The following ARMC2 variants were observed in gnomAD, a reference collection of about 807,000 sequenced individuals.
ARMC2 encodes the protein armadillo repeat containing 2.
ARMC2 carries 67 observed loss-of-function variants against 90.3 expected under a neutral mutation model. The observed-to-expected ratio is 0.74, with a 90% confidence interval of 0.61 to 0.91. The LOEUF (loss-of-function observed/expected upper bound fraction) is 0.91. Among genes scored for constraint, ARMC2 ranks in the 40% least tolerant of loss-of-function variants. The pLI is 0.00. For missense variants in ARMC2, 920 were observed against 1,030.9 expected, an observed-to-expected ratio of 0.89 and a Z score of 1.47; for synonymous variants, 393 against 393.0, an observed-to-expected ratio of 1.00 and a Z score of 0.00.
chr6:108,971,633 G>C lies in ARMC2; in HGVS notation c.2447-1724G>C, dbSNP rs555686668. On this transcript the variant is annotated intron_variant, in intron 17 of 17. Coordinates refer to ENST00000392644, the MANE Select transcript of ARMC2 (RefSeq NM_032131.6). ...ATTTTCATTGGCCCTTAAAAAAAAA[G>C]TATCGGCAGCTGGGTGCAGTGGCTC... 7.2e-4 allele frequency among the ~76,000 whole-genome samples: 109 copies of C among 152,104 alleles called. 2 individuals carry two copies. The South Asian group carries it at 0.022, about 30-fold the overall frequency.
intron 11 of ARMC2, among the ~76,000 whole-genome samples, chr6:108,931,338 G>T (rs1232773745): frequency 1.3e-5 from 2 of 151,890 alleles, no homozygotes; most frequent in African/African-American, 4.9e-5. Context: ...GGGCACTTAG[G>T]TTGATTCCAT....
intron 4 of ARMC2, 101 bp downstream of exon 4, chr6:108,869,096 T>C: frequency 7.8e-7 from 1 of 1,277,094 alleles, no homozygotes; most frequent in Non-Finnish European, 1.1e-6. Flanking sequence ...CCTGGATGAT[T>C]TTTATATTAA....
At chr6:109,033,815 A>T in the ARMC2 span, among the ~76,000 whole-genome samples, 10 of 152,218 alleles carry the variant, frequency 6.6e-5, no homozygotes, top group African/African-American at 2.4e-4. Context: ...AATTAAGAAC[A>T]AGCTTTTAGT....
At chr6:109,000,458 A>G in the ARMC2 span, 1 of 1,410,554 alleles carries the variant, frequency 7.1e-7, no homozygotes, top group Non-Finnish European at 9.3e-7. Context: ...AAAGTCTGAA[A>G]TGACTCCCAA....
chr6:108,969,306 A>G (rs1488587892), intron 17 of ARMC2, among the ~76,000 whole-genome samples: 1 of 152,252 alleles, frequency 6.6e-6, no homozygotes, highest in Non-Finnish European at 1.5e-5. Context: ...GCTGCTGAAC[A>G]GCTAGCTAGG....
At position 108,882,264 on chromosome 6, in the gene ARMC2, G is replaced by A. The variant is rs556202526; in HGVS notation, c.671+5914G>A. On this transcript the variant is annotated intron_variant, in intron 5 of 17. Coordinates refer to ENST00000392644, the MANE Select transcript of ARMC2 (RefSeq NM_032131.6). ...ATCCTGGCTAACATGGTGAAACCCT[G>A]TCTCTACTAAAAATACAAAAAAAAA... 2.6e-5 allele frequency among the ~76,000 whole-genome samples: 4 copies of A among 151,974 alleles called. No homozygotes were observed. The South Asian group carries it at 8.3e-4, about 32-fold the overall frequency.
At chr6:109,009,933 G>A in the ARMC2 span, among the ~76,000 whole-genome samples, 3 of 152,174 alleles carry the variant, frequency 2.0e-5, no homozygotes, top group Non-Finnish European at 4.4e-5. Flanking sequence ...GACAGCACCA[G>A]GAGTAATGAA....
chr6:109,048,179 C>T, the ARMC2 span, among the ~76,000 whole-genome samples: 2 of 152,072 alleles, frequency 1.3e-5, no homozygotes, highest in Non-Finnish European at 2.9e-5. Flanking sequence ...ATGACCTTCA[C>T]AAATGCCCTC....
At chr6:109,011,083 G>A in the ARMC2 span, among the ~76,000 whole-genome samples, 1 of 152,214 alleles carries the variant, frequency 6.6e-6, no homozygotes, top group Non-Finnish European at 1.5e-5. Context: ...AGTTTTAGTT[G>A]TCTAGTAGGG....
intron 12 of ARMC2, among the ~76,000 whole-genome samples, chr6:108,949,613 C>T (rs771501526): frequency 2.0e-5 from 3 of 152,202 alleles, no homozygotes; most frequent in Admixed American, 1.3e-4. Context: ...TACCCTCTGT[C>T]CTGGTTGGAA....
At chr6:108,893,258 A>G (rs1771272603) in intron 5 of ARMC2, among the ~76,000 whole-genome samples, 1 of 152,216 alleles carries the variant, frequency 6.6e-6, no homozygotes, top group South Asian at 2.1e-4. Context: ...ATTTATTTTC[A>G]GTTTTTTAAT....
At chr6:108,907,744 G>C in intron 8 of ARMC2, 1 of 1,610,590 alleles carries the variant, frequency 6.2e-7, no homozygotes, top group Non-Finnish European at 8.5e-7. Context: ...TGTAGTACCA[G>C]TAGTAACCTC....
the ARMC2 span, among the ~76,000 whole-genome samples, chr6:109,012,608 C>A: frequency 6.6e-6 from 1 of 152,246 alleles, no homozygotes; most frequent in East Asian, 1.9e-4. Flanking sequence ...GAAAAAGACA[C>A]CTGAGCTACA....
Position 108,973,483 on chromosome 6 carries a change from TCCTGGAA to T in ARMC2, c.2576_2582del (p.Leu859ProfsTer25), listed in dbSNP as rs768725124. The T allele has an allele frequency of 1.5e-5, 24 of 1,613,474 alleles. No individual in the cohort carries two copies. ...AACCGAATTCAGAGACATCACACCTTCCTGGAACCCCTGCCCATTCCCTCTTTCTAAC... is the reference window on the plus strand; with the variant it reads ...AACCGAATTCAGAGACATCACACCTTCCCCTGCCCATTCCCTCTTTCTAAC... On this transcript the variant is annotated frameshift_variant, in exon 18 of 18. Transcript: ENST00000392644. LOFTEE classifies it high-confidence loss of function.
chr6:109,041,593 C>CAG, the ARMC2 span, among the ~76,000 whole-genome samples: 1 of 151,580 alleles, frequency 6.6e-6, no homozygotes, highest in African/African-American at 2.4e-5. Flanking sequence ...AGAAAATTAC[C>CAG]AGAGACAAGG....
At chr6:108,970,494 C>CTTTTTTTTTTTTTTTTTT (rs1156823883) in intron 17 of ARMC2, among the ~76,000 whole-genome samples, 3 of 117,342 alleles carry the variant, frequency 2.6e-5, no homozygotes, top group Admixed American at 9.8e-5. Flanking sequence ...CTTCTCTTTT[C>CTTTTTTTTTTTTTTTTTT]TTTTTTTTTT....
chr6:109,048,707 C>A, the ARMC2 span, among the ~76,000 whole-genome samples: 1 of 152,114 alleles, frequency 6.6e-6, no homozygotes, highest in African/African-American at 2.4e-5. Flanking sequence ...TTATTTTTAA[C>A]CTAAAATAAT....
chr6:108,905,335 A>G (rs1264603405), intron 8 of ARMC2, among the ~76,000 whole-genome samples: 1 of 152,246 alleles, frequency 6.6e-6, no homozygotes, highest in African/African-American at 2.4e-5. Flanking sequence ...GGGGGAGGCT[A>G]CATTCTTATT....
At chr6:108,972,898 G>A (rs1235774200) in intron 17 of ARMC2, among the ~76,000 whole-genome samples, 1 of 151,684 alleles carries the variant, frequency 6.6e-6, no homozygotes, top group East Asian at 1.9e-4. Context: ...GAACTCTGGG[G>A]CTCAAGCAAT....
Sources: allele counts gnomAD v4.1 joint callset (sites outside exome capture counted in the v4.1 genomes callset), GRCh38; gene constraint gnomAD v4.1.1; transcripts MANE v1.5; gene names NCBI Gene and HGNC (gene_info 2026-07-23, HGNC 2026-07-21).